The following CSMD1 variants were observed in gnomAD, a reference collection of about 807,000 sequenced individuals.
The protein encoded by CSMD1 is CUB and Sushi multiple domains 1, also known as CUB and sushi domain-containing protein 1.
CSMD1 carries 213 observed loss-of-function variants against 417.5 expected under a neutral mutation model. That is an observed-to-expected ratio of 0.51 (90% CI 0.46 to 0.57). The LOEUF is 0.57. CSMD1 is among the 20% of genes least tolerant of loss of function. The pLI is 0.00. For missense variants in CSMD1, 6,923 were observed against 4,529.7 expected (o/e 1.53, Z -15.17); for synonymous variants, 2,862 against 1,736.8 (o/e 1.65, Z -16.11).
At chr8:4,170,579 C>A (rs539025791) in intron 3 of CSMD1, among the ~76,000 whole-genome samples, 1 of 151,792 alleles carries the variant, frequency 6.6e-6, no homozygotes, top group Non-Finnish European at 1.5e-5. Flanking sequence ...AAAACCTTAG[C>A]AGTACACTTT....
chr8:4,889,751 T>C (rs1261255581), intron 1 of CSMD1, among the ~76,000 whole-genome samples: 2 of 152,088 alleles, frequency 1.3e-5, no homozygotes, highest in African/African-American at 2.4e-5. Context: ...TTTTGACACA[T>C]TATATTTTAT....
intron 5 of CSMD1, chr8:3,950,000 C>A: frequency 2.2e-6 from 1 of 455,964 alleles, no homozygotes; most frequent in South Asian, 1.5e-5. Context: ...TTACCCACTA[C>A]ATTTGCCAGG....
chr8:4,236,994 C>A (rs555259013), intron 3 of CSMD1, among the ~76,000 whole-genome samples: 12 of 152,312 alleles, frequency 7.9e-5, no homozygotes, highest in Middle Eastern at 3.4e-3. Context: ...TTCTCACACA[C>A]ACAAGATCTT....
At chr8:4,159,471 G>T (rs902902496) in intron 3 of CSMD1, among the ~76,000 whole-genome samples, 1 of 152,156 alleles carries the variant, frequency 6.6e-6, no homozygotes, top group African/African-American at 2.4e-5. Context: ...CTGTAAAAAT[G>T]TATCCATCAA....
intron 1 of CSMD1, among the ~76,000 whole-genome samples, chr8:4,883,009 G>C (rs557143859): frequency 6.6e-6 from 1 of 152,062 alleles, no homozygotes; most frequent in African/African-American, 2.4e-5. Context: ...ACAATTAGCT[G>C]AGAGCTCCTT....
intron 2 of CSMD1, among the ~76,000 whole-genome samples, chr8:4,477,488 T>A (rs1381934355): frequency 6.6e-6 from 1 of 152,216 alleles, no homozygotes; most frequent in African/African-American, 2.4e-5. Flanking sequence ...ATCACTATAA[T>A]TAAAATGCAG....
At chr8:3,528,173 C>T (rs563886051) in intron 10 of CSMD1, among the ~76,000 whole-genome samples, 2 of 152,274 alleles carry the variant, frequency 1.3e-5, no homozygotes, top group Non-Finnish European at 2.9e-5. Context: ...GGTTAACTCC[C>T]CTGGTAGAAT....
chr8:4,901,243 G>C (rs552060115), intron 1 of CSMD1, among the ~76,000 whole-genome samples: 1 of 152,242 alleles, frequency 6.6e-6, no homozygotes, highest in East Asian at 1.9e-4. Context: ...TTCCTCAAAA[G>C]TTGTCTTTTT....
chr8:4,357,467 C>T (rs113251502), intron 3 of CSMD1, among the ~76,000 whole-genome samples: 2 of 152,150 alleles, frequency 1.3e-5, no homozygotes, highest in African/African-American at 4.8e-5. Flanking sequence ...TTCTCTCCTA[C>T]CATCGCCCTC....
intron 50 of CSMD1, among the ~76,000 whole-genome samples, chr8:3,035,461 G>C (rs1217682016): frequency 6.6e-6 from 1 of 152,158 alleles, no homozygotes; most frequent in African/African-American, 2.4e-5. Flanking sequence ...CTCACATCAT[G>C]TTGTGTTTCT....
intron 2 of CSMD1, among the ~76,000 whole-genome samples, chr8:4,445,611 A>G (rs1330993680): frequency 6.6e-6 from 1 of 152,152 alleles, no homozygotes; most frequent in Admixed American, 6.5e-5. Context: ...GTGTGTTCAG[A>G]GTCGAACTGG....
chr8:3,558,794 G>C, intron 10 of CSMD1, among the ~76,000 whole-genome samples: 1 of 151,090 alleles, frequency 6.6e-6, no homozygotes, highest in South Asian at 2.1e-4. Context: ...CTCCAATGAT[G>C]AATGGTGCCT....
chr8:3,952,878 C>G (rs775009055), intron 5 of CSMD1, among the ~76,000 whole-genome samples: 7 of 152,152 alleles, frequency 4.6e-5, no homozygotes, highest in Non-Finnish European at 8.8e-5. Context: ...AACAAATCAT[C>G]TCTAACCCAA....
At chr8:3,490,097 A>T (rs1286857213) in intron 11 of CSMD1, among the ~76,000 whole-genome samples, 5 of 152,184 alleles carry the variant, frequency 3.3e-5, no homozygotes, top group African/African-American at 1.2e-4. Context: ...ATTCAAAGAG[A>T]CTAGCTGTGA....
At chr8:4,384,234 T>G (rs1336826442) in intron 3 of CSMD1, among the ~76,000 whole-genome samples, 1 of 150,630 alleles carries the variant, frequency 6.6e-6, no homozygotes, top group Non-Finnish European at 1.5e-5. Flanking sequence ...AAGACAGAAG[T>G]GATAAATTAC....
intron 5 of CSMD1, among the ~76,000 whole-genome samples, chr8:3,871,301 C>T (rs932460233): frequency 6.6e-6 from 1 of 152,014 alleles, no homozygotes; most frequent in Non-Finnish European, 1.5e-5. Context: ...ATTTATACTC[C>T]TACTAGTAGT....
chr8:4,507,929 G>A (rs753054198), intron 2 of CSMD1, among the ~76,000 whole-genome samples: 1 of 152,068 alleles, frequency 6.6e-6, no homozygotes, highest in South Asian at 2.1e-4. Context: ...AATAGGCAGT[G>A]AAAATAGTAT....
chr8:3,049,573 G>T (rs1811679577), intron 50 of CSMD1, among the ~76,000 whole-genome samples: 1 of 152,030 alleles, frequency 6.6e-6, no homozygotes, highest in South Asian at 2.1e-4. Flanking sequence ...TTTGTCAGGG[G>T]TTGGATGCAG....
intron 6 of CSMD1, among the ~76,000 whole-genome samples, chr8:3,710,156 A>G (rs1178249270): frequency 6.6e-6 from 1 of 152,058 alleles, no homozygotes; most frequent in East Asian, 1.9e-4. Flanking sequence ...AGGCTATAAG[A>G]GTTGTCTGCA....
Sources: gnomAD v4.1 joint callset for allele counts (sites outside exome capture counted in the v4.1 genomes callset) on GRCh38, gnomAD v4.1.1 for gene constraint, MANE v1.5 for transcripts, NCBI Gene and HGNC (gene_info 2026-07-23, HGNC 2026-07-21) for gene names.